Variants in PCDHGB6 observed in about 807,000 individuals in gnomAD.
The protein encoded by PCDHGB6 is protocadherin gamma subfamily B, 6, also known as protocadherin gamma-B6.
A neutral mutation model predicts 59.1 loss-of-function variants in PCDHGB6; 51 were observed. The ratio of observed to expected loss-of-function variants is 0.86; its 90% CI spans 0.69 to 1.09. PCDHGB6 has a LOEUF of 1.09. PCDHGB6 is among the 50% of genes least tolerant of loss of function. The probability of loss-of-function intolerance (pLI) is 0.00; values close to 1 mark genes in which losing one functional copy is unlikely to be tolerated. For missense variants in PCDHGB6, 1,148 were observed against 1,205.1 expected, an observed-to-expected ratio of 0.95 and a Z score of 0.70; for synonymous variants, 466 against 495.1, an observed-to-expected ratio of 0.94 and a Z score of 0.78.
chr5:141,419,075 A>C (rs2096322774), intron 1 of PCDHGB6: 3 of 1,613,968 alleles, frequency 1.9e-6, no homozygotes, highest in South Asian at 1.1e-5. Flanking sequence ...CAAGCTAGTA[A>C]CAGATGAGGC....
In PCDHGB6 at chr5:141,487,169, G is replaced by A. The variant is rs1259980100; in HGVS notation, c.2419-7638G>A. On this transcript the variant is annotated intron_variant, in intron 1 of 3. Coordinates refer to ENST00000520790, the MANE Select transcript of PCDHGB6 (RefSeq NM_018926.3). The surrounding 1 kb of genome is among the most constrained non-coding windows in gnomAD (Gnocchi z 5.0). ...CTCTGTTACTCTCTTAGTGTCCTTA[G>A]AGGAAGACACTCATCCAGTTGTCCC... 6.2e-7 allele frequency: 1 copy of A among 1,613,086 alleles called. No homozygotes were observed. Among genetic ancestry groups the A allele is most frequent in the South Asian group, 1.1e-5 (1 of 91,072 alleles).
intron 1 of PCDHGB6, chr5:141,410,854 T>C: frequency 2.6e-6 from 1 of 387,418 alleles, no homozygotes; most frequent in Non-Finnish European, 4.2e-6. Flanking sequence ...TTTGTCTTTT[T>C]TTTTTTTTTT....
intron 1 of PCDHGB6, chr5:141,413,618 A>C (rs1188549125): frequency 6.2e-7 from 1 of 1,613,916 alleles, no homozygotes; most frequent in Admixed American, 1.7e-5. Context: ...AAAATTAATG[A>C]AAATGTCGCT....
chr5:141,472,770 G>C (rs953423129), intron 1 of PCDHGB6, among the ~76,000 whole-genome samples: 5 of 152,046 alleles, frequency 3.3e-5, no homozygotes, highest in Admixed American at 6.6e-5. Flanking sequence ...CAGATCACCT[G>C]AGGTTGGGAG....
In PCDHGB6 at chr5:141,432,113, T is replaced by G. The variant is rs1174697940; in HGVS notation, c.2418+21493T>G. 1 of 1,614,078 alleles carries G rather than the reference T, an allele frequency of 6.2e-7. No homozygotes were observed. The highest frequency in any genetic ancestry group is 8.5e-7 in the Non-Finnish European group (1 of 1,180,006). On this transcript the variant is annotated intron_variant, in intron 1 of 3. Coordinates refer to ENST00000520790, the MANE Select transcript of PCDHGB6 (RefSeq NM_018926.3). The surrounding 1 kb of genome is among the most constrained non-coding windows in gnomAD (Gnocchi z 6.0). ...AGACACCAACGACAACCCGCCGGTC[T>G]TCCCTCAGGCCTCCTATTCCGCTTA... is the stretch of plus-strand genomic sequence containing the variant.
intron 1 of PCDHGB6, among the ~76,000 whole-genome samples, chr5:141,469,392 T>C (rs2099199760): frequency 6.6e-6 from 1 of 152,046 alleles, no homozygotes; most frequent in South Asian, 2.1e-4. Flanking sequence ...CTGGCCAACA[T>C]GGTGAAACCC....
rs529787438 is a variant in PCDHGB6 at position 141,470,330 on chromosome 5, G to A, written c.2419-24477G>A. Among the ~76,000 whole-genome samples the A allele has an allele frequency of 3.3e-4, 50 of 152,144 alleles. 1 individual carries two copies. The highest frequency in any genetic ancestry group is 1.1e-3 in the African/African-American group (47 of 41,498). ...TTTTCCTCAAATGATCCCATAATTT[G>A]ACCTTAGGAAGCTGTTCAAATAGAC... On this transcript the variant is annotated intron_variant, in intron 1 of 3. Coordinates refer to ENST00000520790, the MANE Select transcript of PCDHGB6 (RefSeq NM_018926.3).
At chr5:141,479,476 G>A (rs1481785254) in intron 1 of PCDHGB6, 1 of 152,250 alleles carries the variant, frequency 6.6e-6, no homozygotes, top group African/African-American at 2.4e-5. Context: ...CCTCTTGGGA[G>A]GGCAGGACCA....
Position 141,491,670 on chromosome 5 carries a change from C to T in PCDHGB6, c.2419-3137C>T. The T allele has an allele frequency of 2.5e-6, 4 of 1,613,768 alleles. No individual in the cohort carries two copies. Among genetic ancestry groups the T allele is most frequent in the South Asian group, 1.1e-5 (1 of 91,082 alleles). On this transcript the variant is annotated intron_variant, in intron 1 of 3. Coordinates refer to ENST00000520790, the MANE Select transcript of PCDHGB6 (RefSeq NM_018926.3). The surrounding 1 kb of genome is among the most constrained non-coding windows in gnomAD (Gnocchi z 6.9). ...CGCTGGAGCCTGACGCCATCCGGTC[C>T]CGCTCTAATACGCTGCGGGAGCGGA...
At chr5:141,474,524 C>G (rs1260642402) in intron 1 of PCDHGB6, among the ~76,000 whole-genome samples, 1 of 152,170 alleles carries the variant, frequency 6.6e-6, no homozygotes, top group Non-Finnish European at 1.5e-5. Flanking sequence ...GCTGGTCTGG[C>G]TAATTATCAA....
At chr5:141,433,395 C>CTATA (rs1426636882) in intron 1 of PCDHGB6, among the ~76,000 whole-genome samples, 2 of 150,654 alleles carry the variant, frequency 1.3e-5, no homozygotes, top group African/African-American at 4.9e-5. Context: ...ATCTATCTAT[C>CTATA]TATCTATCTA....
intron 1 of PCDHGB6, chr5:141,412,659 C>T (rs1013218327): frequency 7.9e-5 from 12 of 152,212 alleles, no homozygotes; most frequent in African/African-American, 2.4e-4. Flanking sequence ...TACCTAGACA[C>T]TAATATGACC....
At chr5:141,419,663 G>A in intron 1 of PCDHGB6, 1 of 1,612,826 alleles carries the variant, frequency 6.2e-7, no homozygotes, top group Non-Finnish European at 8.5e-7. Flanking sequence ...GGGGCACAAT[G>A]CCTGGCTGTC....
In PCDHGB6 at chr5:141,431,878, C is replaced by T. The variant is rs2097425306; in HGVS notation, c.2418+21258C>T. The T allele has an allele frequency of 1.2e-6, 2 of 1,614,054 alleles. No individual in the cohort carries two copies. The highest frequency in any genetic ancestry group is 1.7e-5 in the Admixed American group (1 of 60,010). ...TAATTGCCCTTTTAAATGTAAATGACCAAGATTCTGAGGAAAACGGACAGG... is the reference window on the plus strand; with the variant it reads ...TAATTGCCCTTTTAAATGTAAATGATCAAGATTCTGAGGAAAACGGACAGG... On this transcript the variant is annotated intron_variant, in intron 1 of 3. Transcript: ENST00000520790. The surrounding 1 kb of genome is among the most constrained non-coding windows in gnomAD (Gnocchi z 4.8).
Position 141,487,673 on chromosome 5 carries a change from C to T in PCDHGB6, c.2419-7134C>T. On this transcript the variant is annotated intron_variant, in intron 1 of 3. Transcript: ENST00000520790. The surrounding 1 kb of genome is among the most constrained non-coding windows in gnomAD (Gnocchi z 5.0). Reference sequence around the variant, plus strand: ...GGGTTATTCTGATCCAGGCATATGGCTAGGCCATGTCCTAGAGAGTACTGG... The same window carrying T: ...GGGTTATTCTGATCCAGGCATATGGTTAGGCCATGTCCTAGAGAGTACTGG... 6.2e-7 allele frequency: 1 copy of T among 1,611,456 alleles called. No homozygotes were observed. Among genetic ancestry groups the T allele is most frequent in the East Asian group, 2.2e-5 (1 of 44,852 alleles).
At chr5:141,501,290 TACACACACACACACACACACACACAC>T (rs55762287) in intron 2 of PCDHGB6, among the ~76,000 whole-genome samples, 1 of 136,164 alleles carries the variant, frequency 7.3e-6, no homozygotes, top group Non-Finnish European at 1.6e-5. Flanking sequence ...TATTCCCTTA[TACACACACACACACACACACACACAC>T]ACACACACAC....
At position 141,490,176 on chromosome 5, in the gene PCDHGB6, G is replaced by T. The variant is rs758876319; in HGVS notation, c.2419-4631G>T. On this transcript the variant is annotated intron_variant, in intron 1 of 3. Transcript: ENST00000520790. This position sits in a 1 kb window ranked among gnomAD's most constrained non-coding sequence, Gnocchi z 5.4. ...TGTTGGGTCCCATAGACTTTGAGGAGTCACGTTTCTATGAAATTCATGCAA... is the reference window on the plus strand; with the variant it reads ...TGTTGGGTCCCATAGACTTTGAGGATTCACGTTTCTATGAAATTCATGCAA... 12 of 1,614,100 alleles carry T rather than the reference G, an allele frequency of 7.4e-6. No homozygotes were observed. Among genetic ancestry groups the T allele is most frequent in the Non-Finnish European group, 1.0e-5 (12 of 1,180,046 alleles).
At chr5:141,461,281 C>T (rs1305044383) in intron 1 of PCDHGB6, among the ~76,000 whole-genome samples, 1 of 152,050 alleles carries the variant, frequency 6.6e-6, no homozygotes, top group Non-Finnish European at 1.5e-5. Flanking sequence ...CTCTTTTCCC[C>T]ACATCCACAC....
rs1470965375 is a variant in PCDHGB6, at chr5:141,408,230, C to G, written c.28C>G (p.Arg10Gly). The change falls in exon 1 of 4, where the codon CGG (arginine) becomes GGG (glycine). Residue 10 changes from arginine to glycine, a missense_variant. By Grantham distance (125) the Arg-to-Gly change is moderately radical (BLOSUM62 -2). Coordinates refer to ENST00000520790, the MANE Select transcript of PCDHGB6 (RefSeq NM_018926.3). ...GGGAGGGAGCTGCGCGCAGAGGCGC[C>G]GGGCCGGCCCGCGGCAGGTGCTATT... MGGSCAQRR[R>G]AGPRQVLFPL... The G allele has an allele frequency of 6.4e-7, 1 of 1,566,168 alleles. No individual in the cohort carries two copies. The highest frequency in any genetic ancestry group is 8.7e-7 in the Non-Finnish European group (1 of 1,155,112).
Sources: gnomAD v4.1 joint callset for allele counts (sites outside exome capture counted in the v4.1 genomes callset) on GRCh38, gnomAD v4.1.1 for gene constraint, Gnocchi (gnomAD v3.1) non-coding constraint, MANE v1.5 for transcripts, NCBI Gene and HGNC (gene_info 2026-07-23, HGNC 2026-07-21) for gene names.